The following MGAM variants were observed in gnomAD, a reference collection of about 807,000 sequenced individuals.
MGAM encodes alpha-1,4-glucosidase.
Under a neutral mutation model 358.8 loss-of-function variants are expected in MGAM, and 253 were observed. That is an observed-to-expected ratio of 0.71 (90% confidence interval 0.64 to 0.78). MGAM has a LOEUF of 0.78. Ranked by LOEUF, MGAM falls within the 30% of genes least tolerant of loss-of-function variation. The pLI is 0.00. For missense variants in MGAM, 3,080 were observed against 3,432.6 expected, an observed-to-expected ratio of 0.90 and a Z score of 2.57; for synonymous variants, 1,105 against 1,227.1, an observed-to-expected ratio of 0.90 and a Z score of 2.08.
intron 21 of MGAM, 78 bp from the exon 22 acceptor site, chr7:142,047,707 T>C: frequency 7.3e-7 from 1 of 1,364,990 alleles, no homozygotes; most frequent in Non-Finnish European, 1.0e-6. Flanking sequence ...CAATTTGAAA[T>C]TTGATGGAAA....
chr7:142,045,250 T>G (rs543507014), intron 21 of MGAM, among the ~76,000 whole-genome samples: 5,388 of 92,250 alleles, frequency 0.058, 767 homozygotes, highest in African/African-American at 0.23. Flanking sequence ...ATATAATATA[T>G]GATATATAAT....
chr7:142,040,870 T>C (rs745695766), intron 21 of MGAM, 24 bp downstream of exon 21: 2 of 1,581,828 alleles, frequency 1.3e-6, no homozygotes, highest in Non-Finnish European at 1.7e-6. Context: ...GGAGTGTCCT[T>C]TCAGAATTCA....
intron 18 of MGAM, among the ~76,000 whole-genome samples, chr7:142,038,170 C>G (rs1378539786): frequency 6.6e-6 from 1 of 152,080 alleles, no homozygotes; most frequent in African/African-American, 2.4e-5. Flanking sequence ...ATATGCCTGA[C>G]TTATTTCATG....
chr7:141,987,288 T>C (rs1554446400), intron 2 of MGAM, among the ~76,000 whole-genome samples: 1 of 152,174 alleles, frequency 6.6e-6, no homozygotes, highest in African/African-American at 2.4e-5. Context: ...TTTCCTTCTG[T>C]GGGTTTGAAT....
chr7:142,067,967 TATATATATATATATA>T (rs1563191307), intron 42 of MGAM, among the ~76,000 whole-genome samples: 6 of 8,550 alleles, frequency 7.0e-4, no homozygotes, highest in African/African-American at 9.2e-4. Flanking sequence ...TATATATAAA[TATATATATATATATA>T]TATATTTTTT....
At chr7:142,084,361 C>A (rs1265396790) in intron 53 of MGAM, among the ~76,000 whole-genome samples, 158 bp from the exon 54 acceptor site, 1 of 146,204 alleles carries the variant, frequency 6.8e-6, no homozygotes, top group Non-Finnish European at 1.5e-5. Flanking sequence ...AAGCTTTCTC[C>A]AAGTATCCTA....
At chr7:142,056,202 T>C in intron 29 of MGAM, 106 bp downstream of exon 29, 4 of 990,836 alleles carry the variant, frequency 4.0e-6, no homozygotes, top group Non-Finnish European at 6.0e-6. Context: ...ATCTTCATTT[T>C]ACGGGCACTG....
intron 3 of MGAM, 114 bp downstream of exon 3, chr7:142,008,819 T>G: frequency 8.5e-7 from 1 of 1,172,476 alleles, no homozygotes; most frequent in Non-Finnish European, 1.2e-6. Context: ...GAGGTGTTTA[T>G]GTTGCAGCCA....
rs186493881 is a variant in MGAM at position 142,016,820 on chromosome 7, T to C, written c.328-2379T>C. Reference sequence around the variant, plus strand: ...GTTGGCCAGGCTGGTCTCAAACTCCTGACCTCGAGTGATCTGCCTGCCTCC... The same window carrying C: ...GTTGGCCAGGCTGGTCTCAAACTCCCGACCTCGAGTGATCTGCCTGCCTCC... On this transcript the variant is annotated intron_variant, in intron 3 of 70. Coordinates refer to ENST00000475668, the MANE Select transcript of MGAM (RefSeq NM_001365693.1). Among the ~76,000 whole-genome samples, 403 of 152,298 alleles carry C rather than the reference T, an allele frequency of 2.6e-3. 3 individuals carry two copies. Among genetic ancestry groups the C allele is most frequent in the African/African-American group, 9.0e-3 (375 of 41,570 alleles).
chr7:142,000,500 T>C (rs1330725398), intron 1 of MGAM, among the ~76,000 whole-genome samples: 1 of 152,158 alleles, frequency 6.6e-6, no homozygotes, highest in Non-Finnish European at 1.5e-5. Flanking sequence ...AGTGAGTCAC[T>C]AAGTCCAGCT....
Position 142,082,486 on chromosome 7 carries a change from T to A in MGAM, c.6183T>A (p.Asn2061Lys), listed in dbSNP as rs1304792368. The change falls in exon 52 of 71, where the codon AAT becomes AAA. Residue 2061 changes from asparagine to lysine, a missense_variant. Coordinates refer to ENST00000475668, the MANE Select transcript of MGAM (RefSeq NM_001365693.1). ...SRDQPPGYKKNSYGVHPYYMG... is the reference protein window; with the variant it reads ...SRDQPPGYKKKSYGVHPYYMG... ...CCATGACTCTCCAGTACAAGAAGAA[T>A]TCCTATGGTGTCCACCCCTACTACA... 1.3e-6 allele frequency: 2 copies of A among 1,529,252 alleles called. No individual in the cohort carries two copies. Among genetic ancestry groups the A allele is most frequent in the Non-Finnish European group, 1.8e-6 (2 of 1,117,524 alleles). 94.7% of individuals were successfully genotyped at this position (1,529,252 alleles called of 1,614,324 possible).
At chr7:142,032,269 G>A (rs1291399694) in intron 13 of MGAM, among the ~76,000 whole-genome samples, 1 of 151,984 alleles carries the variant, frequency 6.6e-6, no homozygotes, top group East Asian at 1.9e-4. Context: ...CTAACTGAGG[G>A]TTAGCAAAAT....
At chr7:141,990,332 G>A (rs1803891674) in intron 2 of MGAM, among the ~76,000 whole-genome samples, 2 of 152,196 alleles carry the variant, frequency 1.3e-5, no homozygotes, top group African/African-American at 4.8e-5. Context: ...ACATGCACCT[G>A]TGCAGCTTCC....
intron 21 of MGAM, among the ~76,000 whole-genome samples, chr7:142,045,181 A>C (rs1584994403): frequency 1.3e-5 from 1 of 76,526 alleles, no homozygotes; most frequent in East Asian, 3.1e-4. Context: ...ATTATATAAC[A>C]TATATGATAT....
chr7:142,045,902 TACA>T, intron 21 of MGAM, among the ~76,000 whole-genome samples: 1 of 100,942 alleles, frequency 9.9e-6, no homozygotes, highest in African/African-American at 3.7e-5. Context: ...TATGTATACA[TACA>T]ATATGTAATA....
chr7:141,996,850 T>A (rs1804275087), intron 1 of MGAM, among the ~76,000 whole-genome samples: 1 of 151,988 alleles, frequency 6.6e-6, no homozygotes, highest in South Asian at 2.1e-4. Flanking sequence ...CTGTGGAATG[T>A]GGGAGGAGGT....
chr7:142,076,446 TA>T lies in MGAM; in HGVS notation c.5325+195del, dbSNP rs1563199608. 3 of 852,108 alleles carry T rather than the reference TA, an allele frequency of 3.5e-6. 1 individual carries two copies. The South Asian group carries it at 4.3e-5, about 12-fold the overall frequency. The allele number at this position is 852,108 out of a possible 1,614,324, so 52.8% of individuals were successfully genotyped here. On this transcript the variant is annotated intron_variant, in intron 46 of 70. Transcript: ENST00000475668. ...ATATAGCAAGTAGTGTTTCTAAATA[TA>T]GTTTTTAATTATCTGTGTGTTTTTA...
Position 142,100,877 on chromosome 7 carries a change from TG to T in MGAM, c.7953del (p.Gln2652LysfsTer27), listed in dbSNP as rs1487694324. The T allele has an allele frequency of 6.2e-7, 1 of 1,612,998 alleles. No homozygotes were observed. The highest frequency in any genetic ancestry group is 8.5e-7 in the Non-Finnish European group (1 of 1,179,614). Reference sequence around the variant, plus strand: ...CTGGGGGCTGGCTCTTCTGGGATGATGGGCAAAGCATTGGTGAGTAGAGGTT... The same window carrying T: ...CTGGGGGCTGGCTCTTCTGGGATGATGGCAAAGCATTGGTGAGTAGAGGTT... ...TAGGWLFWDD[G>X]QSIDTYGKGL... On this transcript the variant is annotated frameshift_variant, in exon 68 of 71. Transcript: ENST00000475668. LOFTEE classifies it high-confidence loss of function.
In MGAM at chr7:142,097,542, C is replaced by T; in HGVS notation, c.7693-51C>T. 3.2e-6 allele frequency: 5 copies of T among 1,559,054 alleles called. No homozygotes were observed. The South Asian group carries it at 4.5e-5, about 14-fold the overall frequency. The stretch of plus-strand genomic sequence containing the variant: ...CTCTTTCCTAAGTATTTTGGTTTCT[C>T]TGTCCTGGAAAATGGTGCCACTGCC... On this transcript the variant is annotated intron_variant, in intron 65 of 70. Coordinates refer to ENST00000475668, the MANE Select transcript of MGAM (RefSeq NM_001365693.1).
Sources: gnomAD v4.1 joint callset for allele counts (sites outside exome capture counted in the v4.1 genomes callset) on GRCh38, gnomAD v4.1.1 for gene constraint, MANE v1.5 for transcripts, NCBI Gene and HGNC (gene_info 2026-07-23, HGNC 2026-07-21) for gene names.